NUP98: variants seen among roughly 807,000 people sequenced by gnomAD.
The protein encoded by NUP98 is nuclear pore complex protein Nup98-Nup96.
Under a neutral mutation model 191.9 loss-of-function variants are expected in NUP98, and 26 were observed. The ratio of observed to expected loss-of-function variants is 0.14; its 90% CI spans 0.10 to 0.19. The LOEUF is 0.19. Ranked by LOEUF, NUP98 falls within the 10% of genes least tolerant of loss-of-function variation. NUP98 has a pLI of 1.00. For synonymous variants in NUP98, 808 were observed against 778.4 expected (o/e 1.04, Z -0.63); for missense variants, 1,941 against 2,178.8 (o/e 0.89, Z 2.17).
chr11:3,678,253 T>C (rs1444537487), intron 31 of NUP98, among the ~76,000 whole-genome samples: 1 of 152,092 alleles, frequency 6.6e-6, no homozygotes, highest in Non-Finnish European at 1.5e-5. Context: ...TGTACTACTG[T>C]CTACCCCACC....
intron 28 of NUP98, among the ~76,000 whole-genome samples, chr11:3,688,916 T>C (rs2078218951): frequency 1.3e-5 from 2 of 148,288 alleles, no homozygotes; most frequent in Admixed American, 6.7e-5. Context: ...AAACAAAAAC[T>C]GTAAGTATTT....
chr11:3,704,204 GATA>G (rs2078792750), intron 22 of NUP98, among the ~76,000 whole-genome samples: 1 of 152,114 alleles, frequency 6.6e-6, no homozygotes, highest in South Asian at 2.1e-4. Flanking sequence ...AAGCAAAGTT[GATA>G]ATAAGGGAAC....
intron 11 of NUP98, among the ~76,000 whole-genome samples, chr11:3,752,192 G>C (rs2080786230): frequency 6.7e-6 from 1 of 149,876 alleles, no homozygotes; most frequent in South Asian, 2.1e-4. Flanking sequence ...AACCACAAAA[G>C]CAGATCATAG....
At chr11:3,731,262 TCAAAAA>T (rs775050757) in intron 14 of NUP98, 123 bp downstream of exon 14, 23 of 603,376 alleles carry the variant, frequency 3.8e-5, no homozygotes, top group African/African-American at 5.8e-5. Context: ...AGACTCTGTC[TCAAAAA>T]CAAAAACAAA....
intron 1 of NUP98, among the ~76,000 whole-genome samples, chr11:3,791,009 C>T (rs753090111): frequency 3.3e-5 from 5 of 151,774 alleles, no homozygotes; most frequent in African/African-American, 9.7e-5. Context: ...CATTCTCCTG[C>T]GTCAGCCTTC....
In NUP98 at chr11:3,683,393, C is replaced by T; in HGVS notation, c.4725G>A (p.Leu1575=). Residue 1575 remains leucine, a synonymous_variant, in exon 30 of 33, where the codon CTG becomes CTA. Transcript: ENST00000324932. The part of the protein sequence containing the change: ...VRELLTRHCQ[L]LETPESWAKE... ...TAGCCCAAGATTCAGGGGTCTCCAA[C>T]AGCTGGCAGTGCCGGGTAAGCAGCT... is the stretch of plus-strand genomic sequence containing the variant. The T allele has an allele frequency of 6.2e-7, 1 of 1,614,176 alleles. No homozygotes were observed. The highest frequency in any genetic ancestry group is 2.2e-5 in the East Asian group (1 of 44,888).
At chr11:3,740,146 CCAGAAGTCTAGGGACTT>C (rs768097757) in intron 12 of NUP98, among the ~76,000 whole-genome samples, 2 of 151,934 alleles carry the variant, frequency 1.3e-5, no homozygotes, top group African/African-American at 4.8e-5. Context: ...TTGGAGAATC[CCAGAAGTCTAGGGACTT>C]CAGAATACCA....
At chr11:3,760,346 T>C (rs1174206996) in intron 10 of NUP98, 193 bp downstream of exon 10, 2 of 731,410 alleles carry the variant, frequency 2.7e-6, no homozygotes, top group South Asian at 3.8e-5. Flanking sequence ...TCCAGGACTT[T>C]AAACCTTTCC....
intron 20 of NUP98, among the ~76,000 whole-genome samples, chr11:3,706,843 T>C (rs1430970212): frequency 6.6e-6 from 1 of 152,222 alleles, no homozygotes; most frequent in Non-Finnish European, 1.5e-5. Context: ...CATGTAGTCA[T>C]CCCATTCTAA....
intron 27 of NUP98, 124 bp from the exon 28 acceptor site, chr11:3,691,613 G>A (rs1328053327): frequency 8.0e-6 from 7 of 872,928 alleles, no homozygotes; most frequent in Middle Eastern, 7.3e-4. Context: ...GAGTGCAGTG[G>A]GACAATCTCG....
At chr11:3,783,650 G>A (rs896241931) in intron 1 of NUP98, among the ~76,000 whole-genome samples, 10 of 152,162 alleles carry the variant, frequency 6.6e-5, no homozygotes, top group South Asian at 2.1e-4. Context: ...AGTGAGCTGA[G>A]ATCGCACCAT....
intron 9 of NUP98, among the ~76,000 whole-genome samples, chr11:3,761,783 AAAAAC>A (rs887111705): frequency 6.8e-6 from 1 of 146,454 alleles, no homozygotes; most frequent in Admixed American, 6.6e-5. Context: ...AAACAAAACA[AAAAAC>A]AAAACAAAAG....
chr11:3,792,786 A>G (rs911945199), intron 1 of NUP98, among the ~76,000 whole-genome samples: 3 of 152,234 alleles, frequency 2.0e-5, no homozygotes, highest in Admixed American at 2.0e-4. Context: ...ACAAAAGTTC[A>G]ATGACACAGT....
chr11:3,749,941 G>A (rs1250656247), intron 11 of NUP98, among the ~76,000 whole-genome samples: 1 of 152,182 alleles, frequency 6.6e-6, no homozygotes, highest in Non-Finnish European at 1.5e-5. Flanking sequence ...TCTGAAATAT[G>A]CGTATATTCC....
chr11:3,711,870 C>A, intron 20 of NUP98: 1 of 1,034,504 alleles, frequency 9.7e-7, no homozygotes, highest in Non-Finnish European at 1.2e-6. Flanking sequence ...ATCATAAAAA[C>A]CACACATTTC....
chr11:3,723,744 AAAT>A (rs149531138), intron 15 of NUP98, among the ~76,000 whole-genome samples: 4,497 of 151,588 alleles, frequency 0.03, 114 homozygotes, highest in African/African-American at 0.071. Flanking sequence ...AATGCTTTAT[AAAT>A]AATAATAATA....
chr11:3,727,442 T>C (rs1288946009), intron 14 of NUP98, among the ~76,000 whole-genome samples: 1 of 152,162 alleles, frequency 6.6e-6, no homozygotes, highest in Non-Finnish European at 1.5e-5. Flanking sequence ...TACTGAGGCA[T>C]GTGGAAAGGA....
chr11:3,682,586 A>C (rs1394731212), intron 30 of NUP98, among the ~76,000 whole-genome samples: 2 of 152,200 alleles, frequency 1.3e-5, no homozygotes, highest in Non-Finnish European at 2.9e-5. Context: ...TCAACTGACC[A>C]TCTTATATGG....
At chr11:3,726,518 C>G (rs1387085021) in intron 14 of NUP98, among the ~76,000 whole-genome samples, 1 of 142,264 alleles carries the variant, frequency 7.0e-6, no homozygotes, top group Non-Finnish European at 1.5e-5. Flanking sequence ...ATAGACGCCA[C>G]TGACATTAAA....
Sources: gnomAD v4.1 joint callset for allele counts (sites outside exome capture counted in the v4.1 genomes callset) on GRCh38, gnomAD v4.1.1 for gene constraint, MANE v1.5 for transcripts, NCBI Gene and HGNC (gene_info 2026-07-23, HGNC 2026-07-21) for gene names.